Variants in LARGE1 observed in about 807,000 individuals in gnomAD.
LARGE1 encodes xylosyl- and glucuronyltransferase LARGE1.
LARGE1 carries 43 observed loss-of-function variants against 87.6 expected under a neutral mutation model. The ratio of observed to expected loss-of-function variants is 0.49; its 90% CI spans 0.38 to 0.63. The LOEUF (loss-of-function observed/expected upper bound fraction) is 0.63. LARGE1 is among the 30% of genes least tolerant of loss of function. LARGE1 has a pLI of 0.00. For synonymous variants in LARGE1, 434 were observed against 394.6 expected, an observed-to-expected ratio of 1.10 and a Z score of -1.18; for missense variants, 802 against 1,000.2, an observed-to-expected ratio of 0.80 and a Z score of 2.67.
chr22:33,612,028 C>A (rs151217220), intron 4 of LARGE1, among the ~76,000 whole-genome samples: 3 of 152,322 alleles, frequency 2.0e-5, no homozygotes, highest in African/African-American at 7.2e-5. Flanking sequence ...CAGATGCTGG[C>A]ACCATGCTTG....
intron 11 of LARGE1, among the ~76,000 whole-genome samples, chr22:33,221,308 G>A (rs180988845): frequency 2.6e-5 from 4 of 152,152 alleles, no homozygotes; most frequent in African/African-American, 7.2e-5. Flanking sequence ...TGCCTGTGCC[G>A]GTTTTTTTCC....
chr22:33,503,204 A>C (rs1477084677), intron 6 of LARGE1, among the ~76,000 whole-genome samples: 1 of 151,774 alleles, frequency 6.6e-6, no homozygotes. Flanking sequence ...TGGCCAAGAA[A>C]TGGTCCAGTT....
At chr22:33,283,141 G>T (rs1930789123) in intron 13 of LARGE1, 61 bp downstream of exon 13, 1 of 1,606,490 alleles carries the variant, frequency 6.2e-7, no homozygotes, top group Non-Finnish European at 8.5e-7. Flanking sequence ...TGGCATCTGG[G>T]TTTCCCAGGA....
intron 11 of LARGE1, among the ~76,000 whole-genome samples, chr22:33,184,323 A>T (rs1923359908): frequency 6.6e-6 from 1 of 151,306 alleles, no homozygotes; most frequent in Non-Finnish European, 1.5e-5. Context: ...TTGGAAGCTA[A>T]ATACTACACT....
intron 7 of LARGE1, among the ~76,000 whole-genome samples, chr22:33,389,582 T>A (rs1432708878): frequency 6.6e-6 from 1 of 152,194 alleles, no homozygotes; most frequent in Non-Finnish European, 1.5e-5. Context: ...CGGTGGCTCA[T>A]GCCTGTAATC....
At chr22:33,328,603 A>C (rs1937446080) in intron 10 of LARGE1, among the ~76,000 whole-genome samples, 1 of 150,488 alleles carries the variant, frequency 6.6e-6, no homozygotes, top group Non-Finnish European at 1.5e-5. Context: ...AATAATAATA[A>C]TAATAAAATA....
intron 10 of LARGE1, among the ~76,000 whole-genome samples, chr22:33,323,222 A>G (rs960363618): frequency 1.3e-5 from 2 of 152,330 alleles, no homozygotes; most frequent in Admixed American, 6.5e-5. Context: ...TGTCCACAGG[A>G]CTCTGGGGCA....
intron 2 of LARGE1, among the ~76,000 whole-genome samples, chr22:33,741,197 T>C (rs1601489025): frequency 1.3e-5 from 2 of 152,326 alleles, no homozygotes; most frequent in East Asian, 3.9e-4. Context: ...TTATAAGCAC[T>C]GAGGCTTCTG....
At position 33,266,384 on chromosome 22, in the gene LARGE1, G is replaced by C. The variant is rs999204367; in HGVS notation, c.1730+37845C>G. ...CTACAGGCACTCGCCACCATGCCCA[G>C]CTAATTTTTTCGTATTTTTAGTAGA... is the stretch of plus-strand genomic sequence containing the variant. On this transcript the variant is annotated intron_variant, in intron 11 of 11. Coordinates refer to the LARGE1 transcript ENST00000608642. Among the ~76,000 whole-genome samples the C allele has an allele frequency of 3.3e-5, 5 of 151,280 alleles. No individual in the cohort carries two copies. The East Asian group carries it at 9.7e-4, about 29-fold the overall frequency.
At chr22:33,285,276 C>A (rs975098167) in intron 12 of LARGE1, among the ~76,000 whole-genome samples, 1 of 152,084 alleles carries the variant, frequency 6.6e-6, no homozygotes, top group Non-Finnish European at 1.5e-5. Flanking sequence ...AAAAGGTAGG[C>A]ATTGTAAGGC....
chr22:33,448,002 T>A (rs2067757440), intron 6 of LARGE1, among the ~76,000 whole-genome samples: 1 of 151,944 alleles, frequency 6.6e-6, no homozygotes, highest in African/African-American at 2.4e-5. Flanking sequence ...ATTGCATGAC[T>A]AAGTCAGTAT....
At chr22:33,219,754 G>A (rs1227307199) in intron 11 of LARGE1, among the ~76,000 whole-genome samples, 1 of 152,158 alleles carries the variant, frequency 6.6e-6, no homozygotes, top group Non-Finnish European at 1.5e-5. Flanking sequence ...TCATGATGCT[G>A]AAGCCTCACT....
intron 6 of LARGE1, among the ~76,000 whole-genome samples, chr22:33,484,207 A>G (rs5998963): frequency 0.055 from 8,402 of 152,120 alleles, 644 homozygotes; most frequent in African/African-American, 0.17. Context: ...TCACTTCATC[A>G]CACAATCTTT....
intron 11 of LARGE1, among the ~76,000 whole-genome samples, chr22:33,191,919 T>C (rs552406942): frequency 9.8e-4 from 150 of 152,318 alleles, no homozygotes; most frequent in African/African-American, 3.2e-3. Context: ...ACAGACTGAA[T>C]CCTTAAACCT....
At chr22:33,278,857 C>T (rs1203723042) in intron 13 of LARGE1, among the ~76,000 whole-genome samples, 1 of 152,114 alleles carries the variant, frequency 6.6e-6, no homozygotes, top group African/African-American at 2.4e-5. Flanking sequence ...GTGGCTAGGA[C>T]TACAGGCACG....
chr22:33,854,685 A>T (rs1677892838), intron 1 of LARGE1, among the ~76,000 whole-genome samples: 1 of 152,138 alleles, frequency 6.6e-6, no homozygotes, highest in Admixed American at 6.6e-5. Flanking sequence ...TTTAAAAAAA[A>T]AAAGGTCCAA....
intron 12 of LARGE1, among the ~76,000 whole-genome samples, chr22:33,302,377 G>A (rs949288449): frequency 6.6e-6 from 1 of 152,136 alleles, no homozygotes; most frequent in Non-Finnish European, 1.5e-5. Context: ...CCTAGGGGTC[G>A]CTGACCCTAC....
chr22:33,679,468 GCA>G (rs113355241), intron 2 of LARGE1, among the ~76,000 whole-genome samples: 200 of 147,034 alleles, frequency 1.4e-3, no homozygotes, highest in Admixed American at 2.2e-3. Context: ...ACACACACAC[GCA>G]CACACACACA....
At chr22:33,122,188 T>C in the LARGE1 span, among the ~76,000 whole-genome samples, 2 of 152,176 alleles carry the variant, frequency 1.3e-5, no homozygotes, top group African/African-American at 2.4e-5. Context: ...TTTCATGCCT[T>C]CTATTAAATG....
Sources: allele counts gnomAD v4.1 joint callset (sites outside exome capture counted in the v4.1 genomes callset), GRCh38; gene constraint gnomAD v4.1.1; transcripts MANE v1.5; gene names NCBI Gene and HGNC (gene_info 2026-07-23, HGNC 2026-07-21).